The following SLCO4A1 variants were observed in gnomAD, a reference collection of about 807,000 sequenced individuals.
SLCO4A1 encodes the protein colon organic anion transporter.
Under a neutral mutation model 64.6 loss-of-function variants are expected in SLCO4A1, and 51 were observed. The observed-to-expected ratio is 0.79, with a 90% CI of 0.63 to 1.00. SLCO4A1 has a LOEUF of 1.00. Ranked by LOEUF, SLCO4A1 falls within the 50% of genes least tolerant of loss-of-function variation. The pLI, the probability that SLCO4A1 is intolerant of heterozygous loss-of-function variation, is 0.00. For synonymous variants in SLCO4A1, 471 were observed against 444.9 expected (o/e 1.06, Z -0.74); for missense variants, 919 against 980.5 (o/e 0.94, Z 0.84).
intron 2 of SLCO4A1, among the ~76,000 whole-genome samples, chr20:62,683,270 G>A (rs1400256191): frequency 6.6e-6 from 1 of 152,146 alleles, no homozygotes; most frequent in East Asian, 1.9e-4. Context: ...TGTTGGGCTT[G>A]GACCTCGGGC....
Position 62,660,529 on chromosome 20 carries a change from G to T in SLCO4A1, c.1005G>T (p.Leu335=), listed in dbSNP as rs749902345. Residue 335 remains leucine, a synonymous_variant, in exon 4 of 12, where the codon CTG becomes CTT. Coordinates refer to ENST00000217159, the MANE Select transcript of SLCO4A1 (RefSeq NM_016354.4). The stretch of plus-strand genomic sequence containing the variant: ...CCATCCTTGGTTACCCTCGGCAGCT[G>T]CCAGGTGGGTTTCCCTTCCCCAGCC... ...AVPILGYPRQ[L]PGSQRYAVMR... 1 of 1,604,880 alleles carries T rather than the reference G, an allele frequency of 6.2e-7. No individual in the cohort carries two copies. The highest frequency in any genetic ancestry group is 1.1e-5 in the South Asian group (1 of 91,082).
At chr20:62,671,293 C>T (rs1601682599) in intron 11 of SLCO4A1, among the ~76,000 whole-genome samples, 2 of 152,264 alleles carry the variant, frequency 1.3e-5, no homozygotes, top group South Asian at 2.1e-4. Flanking sequence ...CTCCTTCCGC[C>T]GCTCTGGCTC....
Position 62,661,023 on chromosome 20 carries a change from G to GGCC in SLCO4A1, c.1010-41_1010-40insGCC. On this transcript the variant is annotated intron_variant, in intron 4 of 11. Transcript: ENST00000217159. The surrounding 1 kb of genome is among the most constrained non-coding windows in gnomAD (Gnocchi z 5.2). ...CTCTCGGAGAAGTCCACCTCCGGGA[G>GGCC]CCCCCAGCCCCCAGCCCCAGCTCAC... The GGCC allele has an allele frequency of 8.2e-6, 6 of 732,776 alleles. No homozygotes were observed. Among genetic ancestry groups the GGCC allele is most frequent in the African/African-American group, 1.7e-5 (1 of 58,644 alleles). The allele number at this position is 732,776 out of a possible 1,614,324, so 45.4% of individuals were successfully genotyped here.
At chr20:62,684,798 TCC>T (rs1391163787) in intron 2 of SLCO4A1, among the ~76,000 whole-genome samples, 3 of 151,512 alleles carry the variant, frequency 2.0e-5, no homozygotes, top group Non-Finnish European at 4.4e-5. Context: ...ACCCCAGCAA[TCC>T]CCACACCTGG....
At chr20:62,657,887 T>C (rs2427368) in intron 2 of SLCO4A1, among the ~76,000 whole-genome samples, 145,893 of 152,346 alleles carry the variant, frequency 0.96, 70,154 homozygotes, top group East Asian at 1. Context: ...TTCACAGCTA[T>C]CTAAGAGTAA....
chr20:62,660,663 C>G, intron 4 of SLCO4A1, 130 bp downstream of exon 4: 1 of 1,144,586 alleles, frequency 8.7e-7, no homozygotes, highest in Non-Finnish European at 1.3e-6. Context: ...CCCTCATTCT[C>G]AGTGTTCTTC....
chr20:62,689,130 CCCTGGCCTGCA>C (rs988061851), downstream of SLCO4A1, among the ~76,000 whole-genome samples: 1 of 152,230 alleles, frequency 6.6e-6, no homozygotes, highest in African/African-American at 2.4e-5. Flanking sequence ...TCCCATTTTT[CCCTGGCCTGCA>C]CGTGGCCAGC....
At position 62,668,164 on chromosome 20, in the gene SLCO4A1, T is replaced by C. The variant is rs1362722493; in HGVS notation, c.1791T>C (p.Pro597=). The C allele has an allele frequency of 6.2e-7, 1 of 1,613,864 alleles. No homozygotes were observed. Among genetic ancestry groups the C allele is most frequent in the Non-Finnish European group, 8.5e-7 (1 of 1,179,990 alleles). Residue 597 remains proline, a synonymous_variant, in exon 9 of 12, where the codon CCT becomes CCC. Coordinates refer to ENST00000217159, the MANE Select transcript of SLCO4A1 (RefSeq NM_016354.4). ...TCTTTACATTCCTCAGCAGCATTCC[T>C]GCACTAACGGCAACTCTACGGTAAG... is the stretch of plus-strand genomic sequence containing the variant. ...VIFFTFLSSI[P]ALTATLRCVR...
chr20:62,689,703 C>T (rs79823818), downstream of SLCO4A1, among the ~76,000 whole-genome samples: 23,834 of 152,226 alleles, frequency 0.16, 1,926 homozygotes, highest in Middle Eastern at 0.2. Context: ...CTCCGGAAGG[C>T]GACCGCCATG....
At chr20:62,643,784 G>A (rs1455505449) in intron 1 of SLCO4A1, among the ~76,000 whole-genome samples, 1 of 152,250 alleles carries the variant, frequency 6.6e-6, no homozygotes. Context: ...CAAGGACAGT[G>A]ACAGCAGGGG....
chr20:62,677,729 G>C (rs1388583545), intron 2 of SLCO4A1, among the ~76,000 whole-genome samples: 1 of 152,240 alleles, frequency 6.6e-6, no homozygotes, highest in Non-Finnish European at 1.5e-5. Context: ...GGAGTGCCTC[G>C]TGGCAGAGGT....
rs777313388 is a variant in SLCO4A1 at position 62,656,480 on chromosome 20, A to G, written c.26A>G (p.Lys9Arg). MPLHQLGD[K>R]PLTFPSPNSA... is the part of the protein sequence containing the mutation. ...ATGCCCCTGCATCAGCTGGGGGACA[A>G]GCCGCTCACCTTCCCCAGCCCCAAC... is the stretch of plus-strand genomic sequence containing the variant. Residue 9 changes from lysine to arginine, a missense_variant, in exon 2 of 12, where the codon AAG (lysine) becomes AGG (arginine). Lys to Arg is a conservative substitution (Grantham distance 26). Coordinates refer to ENST00000217159, the MANE Select transcript of SLCO4A1 (RefSeq NM_016354.4). 6.6e-7 allele frequency: 1 copy of G among 1,512,392 alleles called. No homozygotes were observed. Among genetic ancestry groups the G allele is most frequent in the South Asian group, 1.3e-5 (1 of 79,926 alleles). The allele number at this position is 1,512,392 out of a possible 1,614,324, so 93.7% of individuals were successfully genotyped here.
At chr20:62,659,143 G>A (rs1984312209) in intron 3 of SLCO4A1, among the ~76,000 whole-genome samples, 1 of 152,248 alleles carries the variant, frequency 6.6e-6, no homozygotes, top group Non-Finnish European at 1.5e-5. Context: ...GCAAGGAGGG[G>A]TGGAGGGAGA....
chr20:62,684,677 A>C (rs1987987170), intron 2 of SLCO4A1, among the ~76,000 whole-genome samples: 2 of 147,740 alleles, frequency 1.4e-5, no homozygotes, highest in African/African-American at 2.5e-5. Context: ...TCATCCCCCC[A>C]CTCCCTCCCT....
chr20:62,675,767 C>T (rs1023572802), downstream of SLCO4A1, among the ~76,000 whole-genome samples: 1 of 152,236 alleles, frequency 6.6e-6, no homozygotes, highest in African/African-American at 2.4e-5. Flanking sequence ...TGGATACGCC[C>T]TCGGCTGCAT....
chr20:62,655,464 C>T (rs1243758680), intron 1 of SLCO4A1, among the ~76,000 whole-genome samples: 1 of 152,250 alleles, frequency 6.6e-6, no homozygotes, highest in Non-Finnish European at 1.5e-5. Context: ...CTACAGCCAC[C>T]TGGGTTCCCC....
intron 4 of SLCO4A1, 58 bp downstream of exon 4, chr20:62,660,591 C>T (rs1035525327): frequency 2.0e-5 from 32 of 1,573,006 alleles, no homozygotes; most frequent in African/African-American, 4.0e-5. Context: ...TTAGTCTTCG[C>T]GAAGGGGGCA....
At chr20:62,665,124 A>G (rs1985859583) in intron 6 of SLCO4A1, 36 bp downstream of exon 6, 1 of 1,579,984 alleles carries the variant, frequency 6.3e-7, no homozygotes, top group Non-Finnish European at 8.6e-7. Context: ...CTCTGCTTTT[A>G]TGTCAGTTCT....
chr20:62,684,126 A>C (rs899250489), intron 2 of SLCO4A1, among the ~76,000 whole-genome samples: 500 of 119,860 alleles, frequency 4.2e-3, no homozygotes, highest in Middle Eastern at 0.011. Flanking sequence ...GCTCACGCAA[A>C]GATCTCACGT....
Sources: gnomAD v4.1 joint callset for allele counts (sites outside exome capture counted in the v4.1 genomes callset) on GRCh38, gnomAD v4.1.1 for gene constraint, Gnocchi (gnomAD v3.1) non-coding constraint, MANE v1.5 for transcripts, NCBI Gene and HGNC (gene_info 2026-07-23, HGNC 2026-07-21) for gene names.